EP400: variants seen among roughly 807,000 people sequenced by gnomAD.
EP400 encodes the protein E1A-binding protein p400.
Under a neutral mutation model 354.1 loss-of-function variants are expected in EP400, and 105 were observed. The observed-to-expected ratio is 0.30, with a 90% CI of 0.25 to 0.35. The LOEUF (loss-of-function observed/expected upper bound fraction) is 0.35. EP400 is among the 10% of genes least tolerant of loss of function. The pLI is 1.00. For missense variants in EP400, 3,280 were observed against 4,121.0 expected, an observed-to-expected ratio of 0.80 and a Z score of 5.59; for synonymous variants, 1,646 against 1,716.9, an observed-to-expected ratio of 0.96 and a Z score of 1.02.
At chr12:131,970,392 G>C (rs1593315833) in intron 2 of EP400, among the ~76,000 whole-genome samples, 1 of 152,322 alleles carries the variant, frequency 6.6e-6, no homozygotes, top group Non-Finnish European at 1.5e-5. Flanking sequence ...TAGTTATTTG[G>C]AAACGTTTTG....
intron 39 of EP400, among the ~76,000 whole-genome samples, chr12:132,048,304 C>T (rs1022101419): frequency 2.6e-5 from 4 of 152,246 alleles, no homozygotes; most frequent in African/African-American, 4.8e-5. Flanking sequence ...TTAGAGATTG[C>T]AGTAAAGACA....
intron 2 of EP400, among the ~76,000 whole-genome samples, chr12:131,964,664 A>T (rs1273369406): frequency 1.3e-5 from 2 of 152,234 alleles, no homozygotes; most frequent in African/African-American, 2.4e-5. Context: ...TACCAAATTT[A>T]TCAGTTGTTT....
intron 37 of EP400, 92 bp downstream of exon 37, chr12:132,045,045 T>C: frequency 1.3e-6 from 2 of 1,518,606 alleles, no homozygotes; most frequent in East Asian, 2.3e-5. Context: ...GCCTGTCTGC[T>C]GTCTGCCTGT....
intron 39 of EP400, among the ~76,000 whole-genome samples, chr12:132,049,089 G>A (rs1895209624): frequency 6.6e-6 from 1 of 152,228 alleles, no homozygotes; most frequent in Non-Finnish European, 1.5e-5. Flanking sequence ...ACTCCCTGTG[G>A]AAGCCCATGA....
In EP400 at chr12:132,037,699, C is replaced by G. The variant is rs776690431; in HGVS notation, c.5969C>G (p.Ser1990Cys). 1 of 1,614,126 alleles carries G rather than the reference C, an allele frequency of 6.2e-7. No homozygotes were observed. Among genetic ancestry groups the G allele is most frequent in the South Asian group, 1.1e-5 (1 of 91,078 alleles). The change falls in exon 31 of 53, where the codon TCC (serine) becomes TGC (cysteine). Residue 1990 changes from serine to cysteine, a missense_variant. By Grantham distance (112) the Ser-to-Cys change is moderately radical. This residue lies in a region of EP400 where 459 missense variants were observed against 496.9 expected (regional missense o/e 0.92). Transcript: ENST00000389561. ...IHIYRLVSGN[S>C]IEEKLLKNGT... ...GTTTGCAGGCTTGTGAGTGGCAATT[C>G]CATTGAAGAGAAATTGTTGAAAAAT...
At chr12:131,982,628 A>G in intron 5 of EP400, 150 bp downstream of exon 5, 1 of 981,042 alleles carries the variant, frequency 1.0e-6, no homozygotes, top group Non-Finnish European at 1.5e-6. Flanking sequence ...TCAATTCAGT[A>G]CTTGCAATAC....
In EP400 at chr12:132,029,719, T is replaced by C. The variant is rs1894423211; in HGVS notation, c.5400T>C (p.Pro1800=). The C allele has an allele frequency of 1.2e-6, 2 of 1,612,922 alleles. No homozygotes were observed. Among genetic ancestry groups the C allele is most frequent in the Non-Finnish European group, 1.7e-6 (2 of 1,179,982 alleles). ...TCCTCAGGGTGGCCTTTGTGATTCC[T>C]CCGGTGGTGGCAGCACCCCCGTCCC... The part of the protein sequence containing the change: ...DVIDRVAFVI[P]PVVAAPPSLR... The change falls in exon 28 of 53, where the codon CCT becomes CCC. Residue 1800 remains proline (P), a synonymous_variant. Transcript: ENST00000389561. This position sits in a 1 kb window ranked among gnomAD's most constrained non-coding sequence, Gnocchi z 4.7.
At position 131,989,985 on chromosome 12, in the gene EP400, C is replaced by T; in HGVS notation, c.2431C>T (p.His811Tyr). Residue 811 changes from histidine (H) to tyrosine (Y), a missense_variant, in exon 8 of 53, where the codon CAT (histidine) becomes TAT (tyrosine). His to Tyr is a moderately conservative substitution (Grantham distance 83, BLOSUM62 2). Around this residue, in one of 20 missense-constraint regions of EP400, gnomAD observed 800 missense variants for 840.0 expected, o/e 0.95. Coordinates refer to ENST00000389561, the MANE Select transcript of EP400 (RefSeq NM_015409.5). ...CCAGCTCGTTAGAACTGTGGTGCGC[C>T]ATCACGAGGAGAAGCAGCTCCGTGA... The part of the protein sequence containing the change: ...AKKLVRTVVR[H>Y]HEEKQLREER... 1 of 1,613,826 alleles carries T rather than the reference C, an allele frequency of 6.2e-7. No individual in the cohort carries two copies.
At position 131,987,692 on chromosome 12, in the gene EP400, G is replaced by A; in HGVS notation, c.2224-13G>A. The A allele has an allele frequency of 6.3e-7, 1 of 1,578,536 alleles. No homozygotes were observed. Among genetic ancestry groups the A allele is most frequent in the South Asian group, 1.2e-5 (1 of 85,598 alleles). On this transcript the variant is annotated splice_polypyrimidine_tract_variant and intron_variant, in intron 6 of 52. Transcript: ENST00000389561. ...ACATGCCGACCCCACCATCCCCCAT[G>A]TATCATCTACAGGAGAACCAGGTGC...
At chr12:132,055,815 C>T (rs546690633) in intron 45 of EP400, among the ~76,000 whole-genome samples, 4 of 151,506 alleles carry the variant, frequency 2.6e-5, no homozygotes, top group South Asian at 2.1e-4. Flanking sequence ...AGGAGGTAGG[C>T]GGGATGTGAG....
At chr12:132,048,786 A>G (rs955165711) in intron 39 of EP400, among the ~76,000 whole-genome samples, 2 of 152,152 alleles carry the variant, frequency 1.3e-5, no homozygotes, top group African/African-American at 2.4e-5. Context: ...CTGACCTCAG[A>G]TAATCTACCC....
chr12:132,005,033 T>A (rs1471792436), intron 12 of EP400, 44 bp from the exon 13 acceptor site: 2 of 1,439,798 alleles, frequency 1.4e-6, no homozygotes, highest in Non-Finnish European at 1.9e-6. Context: ...AAATTACAGT[T>A]GTTGTTATAA....
At chr12:131,972,136 CTTTCTT>C (rs200910662) in intron 2 of EP400, among the ~76,000 whole-genome samples, 54 of 150,976 alleles carry the variant, frequency 3.6e-4, no homozygotes, top group African/African-American at 6.1e-4. Flanking sequence ...AGTTTTATTA[CTTTCTT>C]TTTCTTTTTC....
chr12:132,018,506 G>A lies in EP400; in HGVS notation c.4277+130G>A. ...ATCTGCTGCTCTTGGGACCTTGCTG[G>A]TGTCCTTGGCTGTGGTATGCCTGGC... On this transcript the variant is annotated intron_variant, in intron 21 of 52. Transcript: ENST00000389561. The surrounding 1 kb of genome is among the most constrained non-coding windows in gnomAD (Gnocchi z 4.0). 2.3e-6 allele frequency: 3 copies of A among 1,322,310 alleles called. No individual in the cohort carries two copies. The highest frequency in any genetic ancestry group is 3.0e-6 in the Non-Finnish European group (3 of 987,268). The allele number at this position is 1,322,310 out of a possible 1,614,324, so 81.9% of individuals were successfully genotyped here. A position where few individuals can be genotyped will look rare whatever the true frequency, so the allele number is the denominator to read the frequency against.
At chr12:132,077,291 G>A in intron 52 of EP400, 110 bp from the exon 53 acceptor site, 1 of 1,358,672 alleles carries the variant, frequency 7.4e-7, no homozygotes, top group South Asian at 1.4e-5. Context: ...TGTCATAAAA[G>A]CATAGTCAGT....
At chr12:132,055,754 ATGTGTGTG>A (rs373252803) in intron 45 of EP400, among the ~76,000 whole-genome samples, 3 of 136,452 alleles carry the variant, frequency 2.2e-5, no homozygotes, top group Admixed American at 7.3e-5. Context: ...GTAGGAGGGT[ATGTGTGTG>A]TGTGTGTGTG....
Position 131,994,696 on chromosome 12 carries a change from C to T in EP400, c.2738-171C>T, listed in dbSNP as rs185763603. ...ACAGCCTGAAGTGGAAGGGGAAATA[C>T]ACTTCCAGTTTCCTGCCCATTTAAT... On this transcript the variant is annotated intron_variant, in intron 11 of 52. Coordinates refer to ENST00000389561, the MANE Select transcript of EP400 (RefSeq NM_015409.5). This position sits in a 1 kb window ranked among gnomAD's most constrained non-coding sequence, Gnocchi z 4.6. Among the ~76,000 whole-genome samples the T allele has an allele frequency of 1.7e-3, 260 of 152,316 alleles. 3 individuals are homozygous for T. The highest frequency in any genetic ancestry group is 6.0e-3 in the African/African-American group (251 of 41,570).
intron 30 of EP400, among the ~76,000 whole-genome samples, chr12:132,032,787 C>T (rs1406354305): frequency 1.3e-5 from 2 of 151,894 alleles, no homozygotes; most frequent in Non-Finnish European, 2.9e-5. Context: ...TGCACCACCA[C>T]GACCGGCTAG....
At chr12:131,992,792 T>C (rs750529306) in intron 11 of EP400, among the ~76,000 whole-genome samples, 5 of 152,180 alleles carry the variant, frequency 3.3e-5, no homozygotes, top group African/African-American at 4.8e-5. Flanking sequence ...GGAGAAACTT[T>C]CTTGGGCGTT....
Sources: allele counts gnomAD v4.1 joint callset (sites outside exome capture counted in the v4.1 genomes callset), GRCh38; gene constraint gnomAD v4.1.1; regional missense constraint gnomAD v4.1.1; non-coding constraint Gnocchi (gnomAD v3.1); transcripts MANE v1.5; gene names NCBI Gene and HGNC (gene_info 2026-07-23, HGNC 2026-07-21).